THSD7B: variants seen among roughly 807,000 people sequenced by gnomAD.
THSD7B encodes the protein thrombospondin type 1 domain containing 7B.
In THSD7B, 138 loss-of-function variants were observed where a neutral mutation model predicts 213.6. The ratio of observed to expected loss-of-function variants is 0.65; its 90% confidence interval spans 0.56 to 0.74. THSD7B has a LOEUF of 0.74. Among genes scored for constraint, THSD7B ranks in the 30% least tolerant of loss-of-function variants. The pLI, the probability that THSD7B is intolerant of heterozygous loss-of-function variation, is 0.00. For synonymous variants in THSD7B, 742 were observed against 687.0 expected, an observed-to-expected ratio of 1.08 and a Z score of -1.25; for missense variants, 1,931 against 1,991.5, an observed-to-expected ratio of 0.97 and a Z score of 0.58.
chr2:137,282,087 A>T (rs1028421165), intron 12 of THSD7B, among the ~76,000 whole-genome samples: 20 of 152,094 alleles, frequency 1.3e-4, no homozygotes, highest in African/African-American at 4.6e-4. Flanking sequence ...CTTTTTAATG[A>T]TCGCCATTCT....
chr2:137,492,614 A>G (rs1191746913), intron 15 of THSD7B, among the ~76,000 whole-genome samples: 2 of 152,194 alleles, frequency 1.3e-5, no homozygotes, highest in African/African-American at 4.8e-5. Flanking sequence ...AATCAAGAAG[A>G]CTTGTGTAGA....
intron 2 of THSD7B, among the ~76,000 whole-genome samples, chr2:136,920,413 G>A (rs777657520): frequency 6.6e-6 from 1 of 152,190 alleles, no homozygotes; most frequent in Non-Finnish European, 1.5e-5. Flanking sequence ...CCTGTAATGG[G>A]TAGCTCCTTT....
At chr2:137,282,588 G>A (rs530196573) in intron 12 of THSD7B, among the ~76,000 whole-genome samples, 185 of 152,238 alleles carry the variant, frequency 1.2e-3, no homozygotes, top group Admixed American at 3.5e-3. Flanking sequence ...TGTATAAGGT[G>A]TAAGGAAGGG....
At chr2:137,600,733 C>T (rs2104822958) in intron 17 of THSD7B, among the ~76,000 whole-genome samples, 1 of 152,218 alleles carries the variant, frequency 6.6e-6, no homozygotes, top group South Asian at 2.1e-4. Flanking sequence ...GAGACCATTT[C>T]AAAAACAAAA....
At chr2:136,955,751 A>C (rs1473153291) in intron 2 of THSD7B, among the ~76,000 whole-genome samples, 2 of 152,106 alleles carry the variant, frequency 1.3e-5, no homozygotes, top group African/African-American at 4.8e-5. Flanking sequence ...TATAGAAACT[A>C]TATGTTTTCT....
intron 12 of THSD7B, among the ~76,000 whole-genome samples, chr2:137,286,318 T>G (rs548756668): frequency 2.0e-5 from 3 of 152,166 alleles, no homozygotes; most frequent in South Asian, 2.1e-4. Context: ...CATCAGCAGC[T>G]CATCATCCAA....
chr2:136,885,457 A>G (rs1208743771), intron 2 of THSD7B, among the ~76,000 whole-genome samples: 1 of 152,196 alleles, frequency 6.6e-6, no homozygotes, highest in Admixed American at 6.5e-5. Flanking sequence ...AATGCCTATC[A>G]TTATTGTGAT....
At chr2:136,912,860 T>C (rs1009946375) in intron 2 of THSD7B, among the ~76,000 whole-genome samples, 40 of 152,318 alleles carry the variant, frequency 2.6e-4, no homozygotes, top group African/African-American at 9.6e-4. Context: ...GTCTCAGATA[T>C]GTCTTTACCA....
intron 2 of THSD7B, among the ~76,000 whole-genome samples, chr2:136,985,472 G>C (rs1348381037): frequency 6.6e-6 from 1 of 152,210 alleles, no homozygotes; most frequent in Admixed American, 6.5e-5. Context: ...CAAAGCCACT[G>C]TAAGCCTTGG....
At chr2:136,879,882 A>G (rs1374394467) in intron 1 of THSD7B, among the ~76,000 whole-genome samples, 2 of 152,204 alleles carry the variant, frequency 1.3e-5, no homozygotes, top group Non-Finnish European at 1.5e-5. Context: ...CCATTACATA[A>G]TGGTAAAGGG....
At chr2:137,410,065 G>T (rs1160594843) in intron 13 of THSD7B, among the ~76,000 whole-genome samples, 1 of 152,090 alleles carries the variant, frequency 6.6e-6, no homozygotes, top group Non-Finnish European at 1.5e-5. Flanking sequence ...AAAAAGGGAG[G>T]TCTTGAACCT....
Position 137,667,798 on chromosome 2 carries a change from A to G in THSD7B, c.4676A>G (p.Tyr1559Cys). 6.2e-7 allele frequency: 1 copy of G among 1,606,456 alleles called. No homozygotes were observed. The highest frequency in any genetic ancestry group is 8.5e-7 in the Non-Finnish European group (1 of 1,175,854). Residue 1559 changes from tyrosine (Y) to cysteine (C), a missense_variant, in exon 27 of 28, where the codon TAT (tyrosine) becomes TGT (cysteine). Coordinates refer to ENST00000409968, the MANE Select transcript of THSD7B (RefSeq NM_001316349.2). ...DPDGRVKIWV[Y>C]GVSGGAFLIM... ...GATGGCCGAGTAAAAATTTGGGTTTATGGCGTTTCAGGTGGCGCTTTTCTC... is the reference window on the plus strand; with the variant it reads ...GATGGCCGAGTAAAAATTTGGGTTTGTGGCGTTTCAGGTGGCGCTTTTCTC...
intron 20 of THSD7B, among the ~76,000 whole-genome samples, chr2:137,624,721 A>G (rs1477761718): frequency 6.6e-6 from 1 of 152,256 alleles, no homozygotes; most frequent in African/African-American, 2.4e-5. Context: ...GACACATGAA[A>G]AAATGCTCAT....
chr2:137,324,467 T>C (rs1684325353), intron 12 of THSD7B, among the ~76,000 whole-genome samples: 1 of 152,188 alleles, frequency 6.6e-6, no homozygotes, highest in Non-Finnish European at 1.5e-5. Flanking sequence ...CTGTGTGTTT[T>C]ATAATTCTTT....
chr2:137,446,190 T>C (rs1245252033), intron 14 of THSD7B, among the ~76,000 whole-genome samples: 2 of 152,026 alleles, frequency 1.3e-5, no homozygotes, highest in Admixed American at 1.3e-4. Context: ...ATAATCAATA[T>C]TTCCTACTTT....
intron 21 of THSD7B, among the ~76,000 whole-genome samples, chr2:137,655,053 G>A (rs966581174): frequency 2.0e-5 from 3 of 152,220 alleles, no homozygotes; most frequent in East Asian, 3.9e-4. Flanking sequence ...GAGAAAAACC[G>A]TGTTTTATTA....
intron 1 of THSD7B, among the ~76,000 whole-genome samples, chr2:136,793,198 A>C (rs976151140): frequency 2.6e-5 from 4 of 152,066 alleles, no homozygotes; most frequent in African/African-American, 9.7e-5. Flanking sequence ...CATTCTTACC[A>C]GTAATGAATA....
intron 1 of THSD7B, among the ~76,000 whole-genome samples, chr2:136,777,397 C>G (rs1352227303): frequency 1.3e-5 from 2 of 152,100 alleles, no homozygotes; most frequent in African/African-American, 4.8e-5. Context: ...GTAGAATTTG[C>G]TCAAGGTCTC....
rs77938340 is a variant in THSD7B, at chr2:137,146,482, A to C, written c.1370-13731A>C. Among the ~76,000 whole-genome samples the C allele has an allele frequency of 4.9e-3, 743 of 152,214 alleles. 7 individuals are homozygous for C. The highest frequency in any genetic ancestry group is 0.016 in the African/African-American group (675 of 41,550). On this transcript the variant is annotated intron_variant, in intron 5 of 27. Coordinates refer to ENST00000409968, the MANE Select transcript of THSD7B (RefSeq NM_001316349.2). ...AAAATCTTGGACAGATTTAAAAAAA[A>C]CACTTCAGTTGTCTCACTGAAAACT...
Sources: allele counts gnomAD v4.1 joint callset (sites outside exome capture counted in the v4.1 genomes callset), GRCh38; gene constraint gnomAD v4.1.1; transcripts MANE v1.5; gene names NCBI Gene and HGNC (gene_info 2026-07-23, HGNC 2026-07-21).